MARCHF1: variants seen among roughly 807,000 people sequenced by gnomAD.
MARCHF1 encodes E3 ubiquitin-protein ligase MARCHF1.
Under a neutral mutation model 54.2 loss-of-function variants are expected in MARCHF1, and 40 were observed. The observed-to-expected ratio is 0.74, with a 90% CI of 0.57 to 0.96. MARCHF1 has a LOEUF of 0.96. Among genes scored for constraint, MARCHF1 ranks in the 40% least tolerant of loss-of-function variants. The probability of loss-of-function intolerance (pLI) is 0.00; values close to 1 mark genes in which losing one functional copy is unlikely to be tolerated. For synonymous variants in MARCHF1, 236 were observed against 236.3 expected, an observed-to-expected ratio of 1.00 and a Z score of 0.01; for missense variants, 586 against 656.5, an observed-to-expected ratio of 0.89 and a Z score of 1.17.
In MARCHF1 at chr4:164,124,202, A is replaced by G. The variant is rs144948356; in HGVS notation, c.-322-12540T>C. ...AAGTGCAAATCAAAATTACAATGAAATATAATTTAATTACAATGAAATATA... is the reference window on the plus strand; with the variant it reads ...AAGTGCAAATCAAAATTACAATGAAGTATAATTTAATTACAATGAAATATA... On this transcript the variant is annotated intron_variant, in intron 1 of 9. Transcript: ENST00000514618. 5.9e-3 allele frequency among the ~76,000 whole-genome samples: 897 copies of G among 152,218 alleles called. 9 individuals are homozygous for G. Among genetic ancestry groups the G allele is most frequent in the African/African-American group, 0.021 (852 of 41,512 alleles).
chr4:164,282,669 A>G (rs529038717), intron 1 of MARCHF1, among the ~76,000 whole-genome samples: 4 of 151,226 alleles, frequency 2.6e-5, no homozygotes, highest in East Asian at 2.0e-4. Context: ...AAGGAACACA[A>G]TTTTACCCAC....
chr4:163,819,583 A>G (rs1361464146), intron 4 of MARCHF1, among the ~76,000 whole-genome samples: 1 of 152,082 alleles, frequency 6.6e-6, no homozygotes, highest in Non-Finnish European at 1.5e-5. Flanking sequence ...TTCAAGCCTC[A>G]TCAAATTTCT....
At chr4:164,057,717 A>G (rs1754523558) in intron 2 of MARCHF1, among the ~76,000 whole-genome samples, 1 of 152,248 alleles carries the variant, frequency 6.6e-6, no homozygotes, top group African/African-American at 2.4e-5. Context: ...TGAAGATACC[A>G]TACTTCTCTG....
At chr4:164,066,638 C>G (rs1253833299) in intron 2 of MARCHF1, among the ~76,000 whole-genome samples, 2 of 152,016 alleles carry the variant, frequency 1.3e-5, no homozygotes, top group African/African-American at 2.4e-5. Context: ...CAATGATAGG[C>G]TGGATAAAGA....
rs116460160 is a variant in MARCHF1, at chr4:163,738,777, T to C, written c.112-37914A>G. The stretch of plus-strand genomic sequence containing the variant: ...CATAAAGACAAAAGCCACAGCTGGA[T>C]AGATGGCAGAAAAGCACTCATTAAA... On this transcript the variant is annotated intron_variant, in intron 4 of 9. Coordinates refer to ENST00000514618, the MANE Select transcript of MARCHF1 (RefSeq NM_001394959.1). Among the ~76,000 whole-genome samples the C allele has an allele frequency of 8.0e-3, 1,223 of 152,318 alleles. 15 individuals carry two copies. The highest frequency in any genetic ancestry group is 0.028 in the African/African-American group (1,169 of 41,570).
chr4:164,321,241 C>A (rs748517823), intron 1 of MARCHF1, among the ~76,000 whole-genome samples: 2 of 152,020 alleles, frequency 1.3e-5, no homozygotes, highest in Non-Finnish European at 2.9e-5. Context: ...ATACCTGAAG[C>A]AATTACAAGT....
At chr4:164,031,506 G>T (rs4691108) in intron 2 of MARCHF1, among the ~76,000 whole-genome samples, 70,308 of 151,614 alleles carry the variant, frequency 0.46, 17,906 homozygotes, top group Non-Finnish European at 0.57. Context: ...ATATGGTCCA[G>T]GAATAACTAT....
chr4:163,817,232 A>G (rs1748557302), intron 4 of MARCHF1, among the ~76,000 whole-genome samples: 1 of 151,984 alleles, frequency 6.6e-6, no homozygotes, highest in Non-Finnish European at 1.5e-5. Context: ...TTGTTTTGGT[A>G]CACTTCAGCT....
At chr4:163,940,658 T>C (rs566689747) in intron 3 of MARCHF1, among the ~76,000 whole-genome samples, 3 of 152,124 alleles carry the variant, frequency 2.0e-5, no homozygotes, top group Non-Finnish European at 4.4e-5. Context: ...TGGGATTCTC[T>C]TTAATTTTAT....
intron 2 of MARCHF1, among the ~76,000 whole-genome samples, chr4:164,008,482 G>C (rs542104547): frequency 6.6e-6 from 1 of 151,942 alleles, no homozygotes; most frequent in Non-Finnish European, 1.5e-5. Flanking sequence ...AGATAAAATA[G>C]ACCTAACTGG....
intron 3 of MARCHF1, among the ~76,000 whole-genome samples, chr4:163,898,773 A>G (rs1219854040): frequency 6.6e-6 from 1 of 152,198 alleles, no homozygotes; most frequent in Non-Finnish European, 1.5e-5. Context: ...TACCAAAGTC[A>G]TGGAACTAAC....
chr4:163,975,840 T>G (rs969689271), intron 3 of MARCHF1, among the ~76,000 whole-genome samples: 3 of 152,236 alleles, frequency 2.0e-5, no homozygotes, highest in Middle Eastern at 6.8e-3. Context: ...GGGTATTACT[T>G]TTTTCTAACA....
At chr4:164,189,011 G>A in intron 1 of MARCHF1, 2 of 700,098 alleles carry the variant, frequency 2.9e-6, no homozygotes, top group Admixed American at 2.0e-5. Context: ...TTATGGCCTG[G>A]ATAAGAGGGA....
intron 5 of MARCHF1, among the ~76,000 whole-genome samples, chr4:163,624,303 A>G (rs920588930): frequency 7.9e-5 from 12 of 152,138 alleles, no homozygotes; most frequent in Non-Finnish European, 1.8e-4. Flanking sequence ...ACCAAGAGAG[A>G]TCAGGCGTTG....
intron 4 of MARCHF1, among the ~76,000 whole-genome samples, chr4:163,765,474 G>A (rs756126742): frequency 6.6e-6 from 1 of 152,082 alleles, no homozygotes; most frequent in African/African-American, 2.4e-5. Flanking sequence ...TCTGTCAATT[G>A]TAGCCATAGG....
intron 4 of MARCHF1, among the ~76,000 whole-genome samples, chr4:163,852,458 C>T (rs55843110): frequency 0.075 from 11,415 of 152,064 alleles, 1,017 homozygotes; most frequent in African/African-American, 0.22. Flanking sequence ...TGCAGCTGTA[C>T]GCATAAATAT....
intron 1 of MARCHF1, among the ~76,000 whole-genome samples, chr4:164,272,135 A>G (rs1476093433): frequency 1.3e-5 from 2 of 152,044 alleles, no homozygotes; most frequent in South Asian, 2.1e-4. Flanking sequence ...AATAATTAAC[A>G]GAGACGGGAA....
intron 2 of MARCHF1, among the ~76,000 whole-genome samples, chr4:164,019,196 C>T (rs1394475219): frequency 6.6e-6 from 1 of 152,204 alleles, no homozygotes; most frequent in African/African-American, 2.4e-5. Context: ...ACAGTACTCA[C>T]TTTCCTCTTT....
intron 5 of MARCHF1, among the ~76,000 whole-genome samples, chr4:163,657,489 G>C (rs1250470895): frequency 6.6e-6 from 1 of 151,992 alleles, no homozygotes; most frequent in East Asian, 1.9e-4. Flanking sequence ...ATCGCCCCAA[G>C]TAATTTATAG....
Sources: gnomAD v4.1 joint callset for allele counts (sites outside exome capture counted in the v4.1 genomes callset) on GRCh38, gnomAD v4.1.1 for gene constraint, MANE v1.5 for transcripts, NCBI Gene and HGNC (gene_info 2026-07-23, HGNC 2026-07-21) for gene names.